Variants in SYTL5 observed in about 807,000 individuals in gnomAD.
SYTL5 encodes synaptotagmin-like protein 5.
Under a neutral mutation model 55.9 loss-of-function variants are expected in SYTL5, and 34 were observed. The observed-to-expected ratio is 0.61, with a 90% confidence interval of 0.46 to 0.81. The LOEUF (loss-of-function observed/expected upper bound fraction) is 0.81. Among genes scored for constraint, SYTL5 ranks in the 30% least tolerant of loss-of-function variants. SYTL5 has a pLI of 0.00. For synonymous variants in SYTL5, 221 were observed against 188.7 expected (o/e 1.17, Z -1.40); for missense variants, 637 against 546.7 (o/e 1.17, Z -1.65).
chrX:38,027,022 AT>A (rs1274240587), intron 1 of SYTL5, among the ~76,000 whole-genome samples: 3 of 111,751 alleles, frequency 2.7e-5, no homozygotes, highest in Non-Finnish European at 3.8e-5. Flanking sequence ...TAACTTCTTC[AT>A]GCTGAACAGG....
chrX:38,070,892 A>C (rs1257836943), intron 3 of SYTL5, among the ~76,000 whole-genome samples: 1 of 111,927 alleles, frequency 8.9e-6, no homozygotes, highest in African/African-American at 3.2e-5. Context: ...TATAGGTTGA[A>C]TTCCAGGTAT....
the SYTL5 span, among the ~76,000 whole-genome samples, chrX:37,895,787 A>C: frequency 9.0e-6 from 1 of 111,225 alleles, no homozygotes; most frequent in Non-Finnish European, 1.9e-5. Context: ...ATATTCTAAA[A>C]ATTAAACTTC....
the SYTL5 span, among the ~76,000 whole-genome samples, chrX:37,951,445 A>G: frequency 1.8e-5 from 2 of 111,660 alleles, no homozygotes; most frequent in African/African-American, 6.5e-5. Context: ...TTTACTAAGC[A>G]TGCCGTATGT....
intron 3 of SYTL5, among the ~76,000 whole-genome samples, chrX:38,054,700 A>G (rs1258534343): frequency 9.1e-6 from 1 of 109,497 alleles, no homozygotes; most frequent in African/African-American, 3.3e-5. Context: ...TGGAAGCCTC[A>G]CTGAACCATA....
At chrX:37,954,659 T>C in the SYTL5 span, among the ~76,000 whole-genome samples, 1 of 112,099 alleles carries the variant, frequency 8.9e-6, no homozygotes, top group Non-Finnish European at 1.9e-5. Flanking sequence ...CTGGAGTAAA[T>C]CAAAACATAA....
chrX:37,946,385 A>G, the SYTL5 span: 1 of 182,746 alleles, frequency 5.5e-6, no homozygotes, highest in Non-Finnish European at 1.0e-5. Context: ...CAAAAAGAAT[A>G]TGTAAATAGA....
the SYTL5 span, among the ~76,000 whole-genome samples, chrX:37,889,518 G>T: frequency 9.0e-6 from 1 of 111,564 alleles, no homozygotes; most frequent in Admixed American, 9.5e-5. Context: ...ATGGTACACA[G>T]GTTTTAATGT....
the SYTL5 span, among the ~76,000 whole-genome samples, chrX:37,915,069 C>A: frequency 1.1e-3 from 120 of 111,679 alleles, no homozygotes; most frequent in African/African-American, 3.8e-3. Flanking sequence ...GCCCATTGCT[C>A]TTTGCTGTGC....
At chrX:38,039,584 G>T (rs948852795) in intron 2 of SYTL5, among the ~76,000 whole-genome samples, 11 of 111,664 alleles carry the variant, frequency 9.9e-5, no homozygotes, top group African/African-American at 3.6e-4. Context: ...CTACTTTGTG[G>T]TATTGACTTG....
chrX:38,048,686 A>G (rs1445555006), intron 2 of SYTL5, among the ~76,000 whole-genome samples: 1 of 110,835 alleles, frequency 9.0e-6, no homozygotes, highest in Non-Finnish European at 1.9e-5. Context: ...ATCAGATCTC[A>G]TAAGATCTCA....
intron 2 of SYTL5, among the ~76,000 whole-genome samples, chrX:38,053,965 T>C (rs982751943): frequency 8.9e-6 from 1 of 112,169 alleles, no homozygotes; most frequent in Non-Finnish European, 1.9e-5. Context: ...AATATTTGGT[T>C]CTAACTCCTT....
intron 2 of SYTL5, among the ~76,000 whole-genome samples, chrX:38,050,063 T>C (rs2147282058): frequency 8.9e-6 from 1 of 111,936 alleles, no homozygotes; most frequent in South Asian, 3.7e-4. Flanking sequence ...GCTCATTATC[T>C]CCCTTAGGCC....
At chrX:38,018,137 TTTG>T (rs775961713) in intron 1 of SYTL5, among the ~76,000 whole-genome samples, 12 of 111,184 alleles carry the variant, frequency 1.1e-4, no homozygotes, top group Non-Finnish European at 2.1e-4. Flanking sequence ...TTGGTGGGCT[TTTG>T]TTACCTTCCA....
chrX:37,991,297 A>G, the SYTL5 span: 1 of 1,092,634 alleles, frequency 9.2e-7, no homozygotes. Flanking sequence ...AGTGCTATTA[A>G]AGGATGTAAA....
chrX:38,079,037 T>C (rs1484211059), intron 6 of SYTL5, among the ~76,000 whole-genome samples: 1 of 112,070 alleles, frequency 8.9e-6, no homozygotes, highest in East Asian at 2.8e-4. Context: ...CAGTGATGAC[T>C]CATTAATGGA....
At chrX:37,974,287 A>G in the SYTL5 span, among the ~76,000 whole-genome samples, 1 of 112,664 alleles carries the variant, frequency 8.9e-6, no homozygotes, top group African/African-American at 3.2e-5. Flanking sequence ...GTACTGCAAC[A>G]TGAATGAACC....
the SYTL5 span, among the ~76,000 whole-genome samples, chrX:37,899,745 T>C: frequency 8.9e-6 from 1 of 111,760 alleles, no homozygotes; most frequent in Non-Finnish European, 1.9e-5. Flanking sequence ...ATTTTACTTG[T>C]GAGACCTTTT....
the SYTL5 span, among the ~76,000 whole-genome samples, chrX:37,973,800 AT>A: frequency 2.8e-5 from 3 of 109,085 alleles, no homozygotes; most frequent in Non-Finnish European, 5.7e-5. Context: ...ATGGCTGGCT[AT>A]TTTTTTTTAA....
At chrX:37,893,697 A>C in the SYTL5 span, among the ~76,000 whole-genome samples, 3 of 77,781 alleles carry the variant, frequency 3.9e-5, no homozygotes. Flanking sequence ...TATAGATTAT[A>C]TATAATCTAT....
Sources: allele counts gnomAD v4.1 joint callset (sites outside exome capture counted in the v4.1 genomes callset), GRCh38; gene constraint gnomAD v4.1.1; transcripts MANE v1.5; gene names NCBI Gene and HGNC (gene_info 2026-07-23, HGNC 2026-07-21).